RPN2: variants seen among roughly 807,000 people sequenced by gnomAD.
RPN2 encodes the protein ribophorin II, also known as dolichyl-diphosphooligosaccharide--protein glycosyltransferase subunit 2.
Under a neutral mutation model 71.4 loss-of-function variants are expected in RPN2, and 29 were observed. That is an observed-to-expected ratio of 0.41 (90% CI 0.30 to 0.55). RPN2 has a LOEUF of 0.55. Among genes scored for constraint, RPN2 ranks in the 20% least tolerant of loss-of-function variants. The probability of loss-of-function intolerance (pLI) is 0.35; values close to 1 mark genes in which losing one functional copy is unlikely to be tolerated. For missense variants in RPN2, 726 were observed against 774.1 expected (o/e 0.94, Z 0.74); for synonymous variants, 308 against 305.0 (o/e 1.01, Z -0.10).
chr20:37,214,433 A>G (rs911654091), intron 9 of RPN2, among the ~76,000 whole-genome samples: 5 of 152,212 alleles, frequency 3.3e-5, no homozygotes, highest in Middle Eastern at 3.2e-3. Context: ...GGAAAGAGGT[A>G]GTTCACCTTA....
At chr20:37,217,272 ATAT>A (rs751816144) in intron 9 of RPN2, among the ~76,000 whole-genome samples, 10,015 of 88,920 alleles carry the variant, frequency 0.11, 1,004 homozygotes, top group African/African-American at 0.34. Context: ...TGAAAACTAA[ATAT>A]TATTATTATT....
intron 1 of RPN2, 126 bp downstream of exon 1, chr20:37,179,495 G>T (rs935720077): frequency 2.1e-6 from 3 of 1,402,578 alleles, no homozygotes; most frequent in Non-Finnish European, 2.8e-6. Context: ...ACAAGCTCTG[G>T]CTGGGGCGCT....
chr20:37,236,722 A>G lies in RPN2; in HGVS notation c.1883+13A>G, dbSNP rs202178300. On this transcript the variant is annotated intron_variant, in intron 16 of 16. Transcript: ENST00000237530. ...AGGCAGTCAAGAGGTAAGGCCAGAC[A>G]TGAGCCAGGGATCTAGAGTAGGGTT... 4.4e-4 allele frequency: 708 copies of G among 1,613,636 alleles called. No homozygotes were observed. Among genetic ancestry groups the G allele is most frequent in the Non-Finnish European group, 5.6e-4 (658 of 1,179,682 alleles).
In RPN2 at chr20:37,223,939, A is replaced by T. The variant is rs1418840783; in HGVS notation, c.1154A>T (p.Lys385Met). The T allele has an allele frequency of 6.2e-7, 1 of 1,614,162 alleles. No individual in the cohort carries two copies. The highest frequency in any genetic ancestry group is 1.3e-5 in the African/African-American group (1 of 75,050). Residue 385 changes from lysine (K) to methionine (M), a missense_variant, in exon 10 of 17, where the codon AAG becomes ATG. Lys to Met is a moderately conservative substitution (Grantham distance 95). Transcript: ENST00000237530. ...ITNVDLSTVD[K>M]DQSIAPKTTR... ...AATGTTGATCTTTCCACCGTGGATA[A>T]GGATCAGAGCATTGCACCCAAAACT...
At chr20:37,189,782 T>G (rs1408772654) in intron 2 of RPN2, among the ~76,000 whole-genome samples, 2 of 152,196 alleles carry the variant, frequency 1.3e-5, no homozygotes. Flanking sequence ...GAAAGTGAAA[T>G]TACAGTATGC....
chr20:37,183,238 G>A (rs2066924826), intron 1 of RPN2, among the ~76,000 whole-genome samples: 2 of 149,446 alleles, frequency 1.3e-5, no homozygotes, highest in African/African-American at 2.5e-5. Context: ...TTTTTGAGAC[G>A]GAGTTTTGCT....
intron 8 of RPN2, among the ~76,000 whole-genome samples, chr20:37,211,187 A>G (rs958306675): frequency 3.3e-5 from 5 of 151,726 alleles, no homozygotes; most frequent in South Asian, 4.1e-4. Context: ...GGTGTGTGAC[A>G]CTACGCCTGG....
chr20:37,218,362 A>G (rs956703233), intron 9 of RPN2, among the ~76,000 whole-genome samples: 6 of 152,002 alleles, frequency 3.9e-5, no homozygotes, highest in African/African-American at 1.2e-4. Flanking sequence ...GCAGTGAACT[A>G]TGATCACACT....
intron 7 of RPN2, among the ~76,000 whole-genome samples, chr20:37,209,560 C>T (rs545190290): frequency 6.6e-6 from 1 of 152,062 alleles, no homozygotes; most frequent in African/African-American, 2.4e-5. Context: ...AACTCTTGGG[C>T]TCAAGCAGTC....
intron 1 of RPN2, among the ~76,000 whole-genome samples, chr20:37,181,099 C>T (rs7265025): frequency 0.37 from 55,727 of 151,770 alleles, 11,063 homozygotes; most frequent in African/African-American, 0.5. Context: ...CATGGTGGCA[C>T]GTGCCTGTAG....
chr20:37,228,764 C>T lies in RPN2; in HGVS notation c.1494+20C>T, dbSNP rs1386784390. The T allele has an allele frequency of 1.9e-6, 3 of 1,612,370 alleles. No individual in the cohort carries two copies. The highest frequency in any genetic ancestry group is 2.5e-6 in the Non-Finnish European group (3 of 1,178,894). ...AATGTGGTATGTGCCTGAATGTACC[C>T]CGACCCAGGTGAGAGTGGCTGTGCC... On this transcript the variant is annotated intron_variant, in intron 12 of 16. Coordinates refer to ENST00000237530, the MANE Select transcript of RPN2 (RefSeq NM_002951.5).
intron 9 of RPN2, among the ~76,000 whole-genome samples, chr20:37,220,555 G>C (rs1426089468): frequency 6.6e-6 from 1 of 152,134 alleles, no homozygotes; most frequent in Non-Finnish European, 1.5e-5. Context: ...AACATTTTTT[G>C]AGATGTATAT....
At chr20:37,218,957 C>A (rs1338115383) in intron 9 of RPN2, among the ~76,000 whole-genome samples, 1 of 151,976 alleles carries the variant, frequency 6.6e-6, no homozygotes, top group Non-Finnish European at 1.5e-5. Flanking sequence ...TCTTTTTTGG[C>A]TCTTATGAGT....
chr20:37,231,373 A>C (rs1392173648), intron 13 of RPN2, among the ~76,000 whole-genome samples: 4 of 151,834 alleles, frequency 2.6e-5, no homozygotes, highest in African/African-American at 9.7e-5. Context: ...AAAAAACAAA[A>C]AACAAAAAAA....
chr20:37,198,640 A>G (rs1037906261), intron 3 of RPN2, 148 bp downstream of exon 3: 2 of 1,237,482 alleles, frequency 1.6e-6, no homozygotes, highest in Admixed American at 2.7e-5. Flanking sequence ...TTTTTTCCTT[A>G]AGAAAGTATA....
intron 2 of RPN2, among the ~76,000 whole-genome samples, chr20:37,190,763 T>C (rs2067122002): frequency 6.6e-6 from 1 of 152,048 alleles, no homozygotes; most frequent in African/African-American, 2.4e-5. Context: ...AATCAGAAAA[T>C]AAATAGGTTA....
Position 37,225,823 on chromosome 20 carries a change from G to A in RPN2, c.1299+21G>A, listed in dbSNP as rs1373816062. ...ACCAGGTCAGGAAGACACCTAGACAGTTCTCTTAACCTGAAATGTGAATGG... is the reference window on the plus strand; with the variant it reads ...ACCAGGTCAGGAAGACACCTAGACAATTCTCTTAACCTGAAATGTGAATGG... On this transcript the variant is annotated intron_variant, in intron 11 of 16. Transcript: ENST00000237530. 8.7e-6 allele frequency: 13 copies of A among 1,500,278 alleles called. No individual in the cohort carries two copies. In the Admixed American group the frequency reaches 2.0e-4, roughly 23 times the overall value. The allele number at this position is 1,500,278 out of a possible 1,614,324, so 92.9% of individuals were successfully genotyped here. A position where few individuals can be genotyped will look rare whatever the true frequency, so the allele number is the denominator to read the frequency against.
intron 14 of RPN2, 99 bp from the exon 15 acceptor site, chr20:37,233,921 A>G: frequency 7.5e-7 from 1 of 1,326,208 alleles, no homozygotes. Flanking sequence ...ATGAACTTTG[A>G]AGCCTTGGGG....
chr20:37,232,421 T>C, intron 14 of RPN2, 30 bp downstream of exon 14: 1 of 1,613,200 alleles, frequency 6.2e-7, no homozygotes, highest in Non-Finnish European at 8.5e-7. Context: ...GTGGGCAGCA[T>C]GCGTCTGGCG....
Sources: gnomAD v4.1 joint callset for allele counts (sites outside exome capture counted in the v4.1 genomes callset) on GRCh38, gnomAD v4.1.1 for gene constraint, MANE v1.5 for transcripts, NCBI Gene and HGNC (gene_info 2026-07-23, HGNC 2026-07-21) for gene names.